Variants in SRRM3 observed in about 807,000 individuals in gnomAD.
The protein encoded by SRRM3 is serine/arginine repetitive matrix protein 3.
In SRRM3, 27 loss-of-function variants were observed where a neutral mutation model predicts 66.2. The ratio of observed to expected loss-of-function variants is 0.41; its 90% CI spans 0.30 to 0.56. SRRM3 has a LOEUF of 0.56. SRRM3 is among the 20% of genes least tolerant of loss of function. SRRM3 has a pLI of 0.32. For missense variants in SRRM3, 918 were observed against 991.9 expected (o/e 0.93, Z 1.00); for synonymous variants, 391 against 414.9 (o/e 0.94, Z 0.70).
At chr7:76,239,816 GT>G (rs2117008434) in intron 2 of SRRM3, among the ~76,000 whole-genome samples, 1 of 152,266 alleles carries the variant, frequency 6.6e-6, no homozygotes, top group African/African-American at 2.4e-5. Context: ...AAGGCAGAAG[GT>G]TTTCTTAAGG....
At chr7:76,234,621 TAAAC>T (rs1354029347) in intron 1 of SRRM3, among the ~76,000 whole-genome samples, 2 of 152,066 alleles carry the variant, frequency 1.3e-5, no homozygotes, top group Non-Finnish European at 2.9e-5. Flanking sequence ...GGTGTGTGCG[TAAAC>T]AGTTTCAACT....
chr7:76,284,616 G>A (rs868915573), intron 14 of SRRM3, among the ~76,000 whole-genome samples: 23 of 151,992 alleles, frequency 1.5e-4, no homozygotes, highest in Admixed American at 6.6e-5. Flanking sequence ...GGCTGGGGAC[G>A]CCCCCAGACA....
chr7:76,202,995 G>C (rs1800196646), intron 1 of SRRM3, among the ~76,000 whole-genome samples: 1 of 152,176 alleles, frequency 6.6e-6, no homozygotes, highest in African/African-American at 2.4e-5. Flanking sequence ...ACTCACCCTA[G>C]CATCGGGGGC....
intron 3 of SRRM3, among the ~76,000 whole-genome samples, chr7:76,256,133 A>C (rs540103668): frequency 5.9e-5 from 9 of 152,288 alleles, no homozygotes; most frequent in African/African-American, 1.9e-4. Context: ...GGGTTCTTGA[A>C]TCTCACTCAA....
intron 11 of SRRM3, among the ~76,000 whole-genome samples, chr7:76,279,806 C>T (rs1187015897): frequency 2.0e-5 from 3 of 152,110 alleles, no homozygotes; most frequent in African/African-American, 7.2e-5. Flanking sequence ...TGTCCCAATC[C>T]TTGTGTCCTA....
chr7:76,258,029 G>A (rs1801756071), intron 3 of SRRM3, among the ~76,000 whole-genome samples: 1 of 152,192 alleles, frequency 6.6e-6, no homozygotes, highest in South Asian at 2.1e-4. Flanking sequence ...CCTGTAGGGA[G>A]CCAACATCTG....
intron 2 of SRRM3, among the ~76,000 whole-genome samples, chr7:76,239,702 A>T (rs989852789): frequency 1.3e-5 from 2 of 152,102 alleles, no homozygotes; most frequent in African/African-American, 4.8e-5. Context: ...GACCCCATCT[A>T]AAAACAAAAA....
chr7:76,281,621 C>T lies in SRRM3; in HGVS notation c.1189C>T (p.Arg397Trp). Residue 397 changes from arginine (R) to tryptophan (W), a missense_variant, in exon 12 of 15, where the codon CGG becomes TGG. Physicochemically the swap from Arg to Trp is moderately radical, Grantham distance 101. Coordinates refer to ENST00000611745, the MANE Select transcript of SRRM3 (RefSeq NM_001110199.3). Reference protein sequence around the residue: ...RRRRRRRRRSRSSASAPRRRG... With the variant: ...RRRRRRRRRSWSSASAPRRRG... Reference sequence around the variant, plus strand: ...GCGGCGGCGTAGGCGGCGGCGCTCGCGGTCCTCGGCGTCCGCGCCCCGCCG... The same window carrying T: ...GCGGCGGCGTAGGCGGCGGCGCTCGTGGTCCTCGGCGTCCGCGCCCCGCCG... The T allele has an allele frequency of 1.0e-6, 1 of 972,948 alleles. No homozygotes were observed. Among genetic ancestry groups the T allele is most frequent in the Non-Finnish European group, 1.2e-6 (1 of 821,366 alleles). The allele number at this position is 972,948 out of a possible 1,614,324, so 60.3% of individuals were successfully genotyped here.
intron 1 of SRRM3, among the ~76,000 whole-genome samples, chr7:76,209,513 G>A (rs1260043072): frequency 2.0e-5 from 3 of 152,166 alleles, no homozygotes; most frequent in African/African-American, 7.2e-5. Flanking sequence ...TGGATTCAAG[G>A]GATAGTTACC....
At position 76,248,284 on chromosome 7, in the gene SRRM3, C is replaced by T. The variant is rs1801491479; in HGVS notation, c.330C>T (p.Gly110=). 6.2e-7 allele frequency: 1 copy of T among 1,612,020 alleles called. No individual in the cohort carries two copies. The highest frequency in any genetic ancestry group is 1.7e-4 in the Middle Eastern group (1 of 6,056). Residue 110 remains glycine (G), a synonymous_variant, in exon 3 of 15, where the codon GGC becomes GGT. Coordinates refer to ENST00000611745, the MANE Select transcript of SRRM3 (RefSeq NM_001110199.3). ...TCACCAGGGAGGACCGGCCTGGGGG[C>T]CACATGTGAGTGCTTACCTGTGTGG... ...GVLTREDRPG[G]HIVAETPRLT...
chr7:76,212,323 A>G (rs1331024745), intron 1 of SRRM3, among the ~76,000 whole-genome samples: 3 of 132,626 alleles, frequency 2.3e-5, no homozygotes, highest in Admixed American at 7.8e-5. Context: ...TAATTTTGCT[A>G]ATTTTGTATT....
In SRRM3 at chr7:76,258,912, C is replaced by T. The variant is rs958435370; in HGVS notation, c.336-994C>T. On this transcript the variant is annotated intron_variant, in intron 3 of 14. Transcript: ENST00000611745. ...TCTCTACTAAAAATACAAAAATTAG[C>T]GGGCACCTGTAATCCCAGCTACTCG... is the stretch of plus-strand genomic sequence containing the variant. 7.4e-5 allele frequency among the ~76,000 whole-genome samples: 11 copies of T among 147,798 alleles called. No individual in the cohort carries two copies. The East Asian group carries it at 1.4e-3, about 19-fold the overall frequency.
chr7:76,235,803 T>A (rs1295036599), intron 2 of SRRM3, among the ~76,000 whole-genome samples: 4 of 150,290 alleles, frequency 2.7e-5, no homozygotes, highest in Non-Finnish European at 4.4e-5. Context: ...GTCAGGAGTT[T>A]GAGATCAGCC....
At chr7:76,205,014 C>G (rs527570022) in intron 1 of SRRM3, among the ~76,000 whole-genome samples, 1 of 149,296 alleles carries the variant, frequency 6.7e-6, no homozygotes, top group African/African-American at 2.6e-5. Flanking sequence ...CTCTTGATCC[C>G]CTCTCTCCTC....
intron 3 of SRRM3, among the ~76,000 whole-genome samples, chr7:76,257,692 G>A (rs1287292058): frequency 1.3e-5 from 2 of 151,938 alleles, no homozygotes; most frequent in Non-Finnish European, 2.9e-5. Flanking sequence ...AGGATCGCTT[G>A]AGGCCAGGAG....
rs116225065 is a variant in SRRM3, at chr7:76,265,678, T to G, written c.830+210T>G. 5.8e-3 allele frequency among the ~76,000 whole-genome samples: 876 copies of G among 150,092 alleles called. 10 individuals carry two copies. The highest frequency in any genetic ancestry group is 0.02 in the African/African-American group (824 of 40,762). ...CAGAAGGATCGCTTGAGGCCAGGAG[T>G]TCGAGACCAGCCTGGGCAACATAGA... On this transcript the variant is annotated intron_variant, in intron 10 of 14. Coordinates refer to ENST00000611745, the MANE Select transcript of SRRM3 (RefSeq NM_001110199.3).
Position 76,285,973 on chromosome 7 carries a change from C to T in SRRM3, c.*130C>T, listed in dbSNP as rs560064144. On this transcript the variant is annotated 3_prime_UTR_variant, in exon 15 of 15. Coordinates refer to ENST00000611745, the MANE Select transcript of SRRM3 (RefSeq NM_001110199.3). This position sits in a 1 kb window ranked among gnomAD's most constrained non-coding sequence, Gnocchi z 4.1. ...ACAAAGAGGTCTCAGGGCCAGTGCA[C>T]GGGCAGATGGGACCGGGGAAGACTT... The T allele has an allele frequency of 7.9e-6, 8 of 1,008,986 alleles. No homozygotes were observed. The highest frequency in any genetic ancestry group is 4.9e-5 in the African/African-American group (3 of 61,342). 62.5% of individuals were successfully genotyped at this position (1,008,986 alleles called of 1,614,324 possible). A position where few individuals can be genotyped will look rare whatever the true frequency, so the allele number is the denominator to read the frequency against.
At position 76,286,122 on chromosome 7, in the gene SRRM3, C is replaced by T; in HGVS notation, c.*279C>T. ...GAGCCGTTACGAACACAGGAATCTCCCCATCCCCCTTCCTGCTGATGCCAA... is the reference window on the plus strand; with the variant it reads ...GAGCCGTTACGAACACAGGAATCTCTCCATCCCCCTTCCTGCTGATGCCAA... On this transcript the variant is annotated 3_prime_UTR_variant, in exon 15 of 15. Coordinates refer to ENST00000611745, the MANE Select transcript of SRRM3 (RefSeq NM_001110199.3). 1 of 526,870 alleles carries T rather than the reference C, an allele frequency of 1.9e-6. No homozygotes were observed. Among genetic ancestry groups the T allele is most frequent in the Non-Finnish European group, 3.5e-6 (1 of 287,384 alleles). The allele number at this position is 526,870 out of a possible 1,614,324, so 32.6% of individuals were successfully genotyped here. A position where few individuals can be genotyped will look rare whatever the true frequency, so the allele number is the denominator to read the frequency against.
At chr7:76,240,865 C>A (rs1304173734) in intron 2 of SRRM3, among the ~76,000 whole-genome samples, 1 of 151,908 alleles carries the variant, frequency 6.6e-6, no homozygotes, top group Non-Finnish European at 1.5e-5. Flanking sequence ...CCCCCTTCCC[C>A]ACCCACACAC....
Sources: allele counts gnomAD v4.1 joint callset (sites outside exome capture counted in the v4.1 genomes callset), GRCh38; gene constraint gnomAD v4.1.1; non-coding constraint Gnocchi (gnomAD v3.1); transcripts MANE v1.5; gene names NCBI Gene and HGNC (gene_info 2026-07-23, HGNC 2026-07-21).